Variants in ZMAT4 observed in about 807,000 individuals in gnomAD.
The protein encoded by ZMAT4 is zinc finger matrin-type 4, also known as zinc finger matrin-type protein 4.
In ZMAT4, 17 loss-of-function variants were observed where a neutral mutation model predicts 28.7. That is an observed-to-expected ratio of 0.59 (90% confidence interval 0.41 to 0.89). ZMAT4 has a LOEUF of 0.89. ZMAT4 is among the 40% of genes least tolerant of loss of function. The pLI, the probability that ZMAT4 is intolerant of heterozygous loss-of-function variation, is 0.00. For synonymous variants in ZMAT4, 117 were observed against 109.2 expected (o/e 1.07, Z -0.44); for missense variants, 240 against 283.8 (o/e 0.85, Z 1.11).
intron 5 of ZMAT4, among the ~76,000 whole-genome samples, chr8:40,654,176 G>A (rs1216222450): frequency 6.6e-6 from 1 of 152,110 alleles, no homozygotes; most frequent in Non-Finnish European, 1.5e-5. Context: ...AAGATGCAAA[G>A]CCACCACTGC....
intron 5 of ZMAT4, among the ~76,000 whole-genome samples, chr8:40,646,455 T>C (rs1041570849): frequency 2.0e-5 from 3 of 152,056 alleles, no homozygotes; most frequent in Non-Finnish European, 4.4e-5. Flanking sequence ...CTTACAGTCT[T>C]ATTCTTTATG....
At chr8:40,812,935 A>AAAATAAAATTAAATTAAATTAAATT (rs1254447514) in intron 2 of ZMAT4, among the ~76,000 whole-genome samples, 2 of 78,028 alleles carry the variant, frequency 2.6e-5, no homozygotes, top group African/African-American at 8.3e-5. Flanking sequence ...CTCCATCTCA[A>AAAATAAAATTAAATTAAATTAAATT]AAATTAAATT....
At chr8:40,712,535 C>T (rs977582120) in intron 3 of ZMAT4, among the ~76,000 whole-genome samples, 3 of 152,232 alleles carry the variant, frequency 2.0e-5, no homozygotes, top group Non-Finnish European at 2.9e-5. Context: ...CTTTCTACAT[C>T]CATTCTGTGA....
At chr8:40,728,681 G>C (rs1811408095) in intron 3 of ZMAT4, among the ~76,000 whole-genome samples, 1 of 152,176 alleles carries the variant, frequency 6.6e-6, no homozygotes, top group Admixed American at 6.5e-5. Context: ...GGCACATCTG[G>C]TTTCATTAAA....
chr8:40,701,046 G>A (rs1236956545), intron 3 of ZMAT4, among the ~76,000 whole-genome samples: 1 of 152,080 alleles, frequency 6.6e-6, no homozygotes, highest in African/African-American at 2.4e-5. Flanking sequence ...GGTAACACAG[G>A]GAGGTCTATG....
intron 5 of ZMAT4, among the ~76,000 whole-genome samples, chr8:40,667,011 A>T (rs1256002507): frequency 6.6e-6 from 1 of 152,188 alleles, no homozygotes; most frequent in Non-Finnish European, 1.5e-5. Context: ...AAACTTTCAC[A>T]TATATACACA....
chr8:40,881,528 CAGAAAGAAAGAAAGAAAGAAAGAA>C lies in ZMAT4; in HGVS notation c.-5+16131_-5+16154del, dbSNP rs201960642. 2.8e-3 allele frequency among the ~76,000 whole-genome samples: 145 copies of C among 51,918 alleles called. 2 individuals are homozygous for C. Among genetic ancestry groups the C allele is most frequent in the Middle Eastern group, 6.9e-3 (1 of 144 alleles). The allele number at this position is 51,918 out of a possible 152,430, so 34.1% of individuals were successfully genotyped here. A position where few individuals can be genotyped will look rare whatever the true frequency, so the allele number is the denominator to read the frequency against. ...AAGGAAGGAAGGGGAGAGAGAGAGA[CAGAAAGAAAGAAAGAAAGAAAGAA>C]AGAAAGAAAGAAAGAAAGAAAGAAA... On this transcript the variant is annotated intron_variant, in intron 1 of 6. Transcript: ENST00000297737.
intron 2 of ZMAT4, among the ~76,000 whole-genome samples, chr8:40,784,197 A>G (rs1563481918): frequency 6.6e-6 from 1 of 152,204 alleles, no homozygotes; most frequent in Non-Finnish European, 1.5e-5. Context: ...AACTGAATAC[A>G]ACATTGTGTT....
intron 2 of ZMAT4, among the ~76,000 whole-genome samples, chr8:40,812,899 C>A (rs949468564): frequency 6.6e-6 from 1 of 151,170 alleles, no homozygotes. Flanking sequence ...TGCCACTGCA[C>A]TCCAGCCTGG....
At chr8:40,565,709 C>T (rs962809573) in intron 6 of ZMAT4, among the ~76,000 whole-genome samples, 1 of 151,776 alleles carries the variant, frequency 6.6e-6, no homozygotes, top group Non-Finnish European at 1.5e-5. Flanking sequence ...TCTGACATCC[C>T]TCCTAGATCC....
intron 2 of ZMAT4, among the ~76,000 whole-genome samples, chr8:40,814,368 G>A (rs1467469633): frequency 1.3e-5 from 2 of 152,170 alleles, no homozygotes; most frequent in African/African-American, 4.8e-5. Flanking sequence ...ATTACTTGGG[G>A]GTCAGGAATG....
intron 5 of ZMAT4, among the ~76,000 whole-genome samples, chr8:40,639,698 G>A (rs1380523312): frequency 6.7e-6 from 1 of 149,844 alleles, no homozygotes; most frequent in African/African-American, 2.5e-5. Context: ...CTGAGTTCCT[G>A]CCTGCTGGCT....
chr8:40,678,943 G>A (rs1809024569), intron 4 of ZMAT4, among the ~76,000 whole-genome samples: 1 of 152,154 alleles, frequency 6.6e-6, no homozygotes, highest in African/African-American at 2.4e-5. Flanking sequence ...TAAACACAGT[G>A]TATGGTATCT....
intron 1 of ZMAT4, among the ~76,000 whole-genome samples, chr8:40,881,407 A>G (rs530947499): frequency 1.1e-3 from 159 of 148,254 alleles, no homozygotes; most frequent in Non-Finnish European, 1.8e-3. Context: ...AGAGAGAGAG[A>G]AAGAAAGGAA....
intron 1 of ZMAT4, among the ~76,000 whole-genome samples, chr8:40,884,088 C>G (rs1044940161): frequency 6.6e-6 from 1 of 152,170 alleles, no homozygotes; most frequent in Admixed American, 6.5e-5. Flanking sequence ...CTCCACCACC[C>G]GCTGGACTGA....
chr8:40,802,007 A>C (rs73617428), intron 2 of ZMAT4, among the ~76,000 whole-genome samples: 20,621 of 152,190 alleles, frequency 0.14, 1,963 homozygotes, highest in East Asian at 0.34. Context: ...TGCAGAAAAA[A>C]CATTTGACAA....
intron 6 of ZMAT4, among the ~76,000 whole-genome samples, chr8:40,573,453 T>G (rs1804162720): frequency 6.6e-6 from 1 of 152,180 alleles, no homozygotes. Context: ...AGCCTTCTTC[T>G]CTGTGTATCC....
chr8:40,808,201 A>G (rs982927746), intron 2 of ZMAT4, among the ~76,000 whole-genome samples: 3 of 152,198 alleles, frequency 2.0e-5, no homozygotes, highest in African/African-American at 7.2e-5. Context: ...TAAACAGGTC[A>G]CTAGCAAAAT....
chr8:40,677,984 C>CAA (rs1319434093), intron 4 of ZMAT4, among the ~76,000 whole-genome samples: 1 of 152,136 alleles, frequency 6.6e-6, no homozygotes, highest in African/African-American at 2.4e-5. Context: ...TGCCCCAGAT[C>CAA]AATTGTATCA....
Sources: gnomAD v4.1 joint callset for allele counts (sites outside exome capture counted in the v4.1 genomes callset) on GRCh38, gnomAD v4.1.1 for gene constraint, MANE v1.5 for transcripts, NCBI Gene and HGNC (gene_info 2026-07-23, HGNC 2026-07-21) for gene names.